PARP4: variants seen among roughly 807,000 people sequenced by gnomAD.
The protein encoded by PARP4 is protein mono-ADP-ribosyltransferase PARP4.
Under a neutral mutation model 187.7 loss-of-function variants are expected in PARP4, and 120 were observed. The observed-to-expected ratio is 0.64, with a 90% CI of 0.55 to 0.74. The LOEUF is 0.74. Among genes scored for constraint, PARP4 ranks in the 30% least tolerant of loss-of-function variants. The pLI is 0.00. For missense variants in PARP4, 1,836 were observed against 2,070.5 expected, an observed-to-expected ratio of 0.89 and a Z score of 2.20; for synonymous variants, 654 against 740.9, an observed-to-expected ratio of 0.88 and a Z score of 1.90.
chr13:24,456,158 T>A (rs1439120489), intron 21 of PARP4, among the ~76,000 whole-genome samples, 183 bp downstream of exon 21: 1 of 152,214 alleles, frequency 6.6e-6, no homozygotes, highest in Non-Finnish European at 1.5e-5. Context: ...GGGTTTTGGA[T>A]GAAACGTCAG....
chr13:24,435,604 A>G (rs1055894008), intron 30 of PARP4, 130 bp from the exon 31 acceptor site: 9 of 953,096 alleles, frequency 9.4e-6, no homozygotes, highest in South Asian at 6.7e-5. Flanking sequence ...AGGATCATCA[A>G]TGTGAGCTGG....
intron 3 of PARP4, among the ~76,000 whole-genome samples, chr13:24,500,999 T>TTG (rs1869244307): frequency 6.6e-6 from 1 of 152,234 alleles, no homozygotes; most frequent in Admixed American, 6.5e-5. Context: ...TTTATTTCTG[T>TTG]TGTAACTATC....
chr13:24,488,353 T>C (rs1310443720), intron 10 of PARP4, among the ~76,000 whole-genome samples: 3 of 152,190 alleles, frequency 2.0e-5, no homozygotes, highest in African/African-American at 7.2e-5. Context: ...GGAGAAGGCC[T>C]GTGGGAATGA....
chr13:24,456,856 C>T (rs151241351), intron 20 of PARP4, among the ~76,000 whole-genome samples: 12,310 of 151,918 alleles, frequency 0.081, 666 homozygotes, highest in Non-Finnish European at 0.12. Flanking sequence ...GCCAAGATCG[C>T]GCCACTGCAC....
In PARP4 at chr13:24,492,602, C is replaced by T; in HGVS notation, c.880-8G>A. The T allele has an allele frequency of 6.2e-7, 1 of 1,608,686 alleles. No individual in the cohort carries two copies. The highest frequency in any genetic ancestry group is 8.5e-7 in the Non-Finnish European group (1 of 1,175,424). ...CCCCTCTGCCTTGCTCACCTTTCAA[C>T]AGATCATATATGCTTATTACAATGA... On this transcript the variant is annotated splice_polypyrimidine_tract_variant and splice_region_variant and intron_variant, in intron 8 of 33. Transcript: ENST00000381989.
intron 5 of PARP4, 135 bp from the exon 6 acceptor site, chr13:24,498,364 G>A (rs1345033): frequency 0.32 from 189,090 of 594,684 alleles, 31,968 homozygotes; most frequent in South Asian, 0.44. Flanking sequence ...AAAGTATCAA[G>A]AAGAAAATTA....
intron 30 of PARP4, among the ~76,000 whole-genome samples, chr13:24,439,708 A>G (rs1870820075): frequency 6.6e-6 from 1 of 152,112 alleles, no homozygotes; most frequent in African/African-American, 2.4e-5. Flanking sequence ...ATAAGTATAT[A>G]TTTTCCAGGG....
intron 18 of PARP4, 60 bp downstream of exon 18, chr13:24,459,912 C>T (rs1365291047): frequency 6.9e-7 from 1 of 1,449,052 alleles, no homozygotes; most frequent in African/African-American, 1.4e-5. Flanking sequence ...CCTCCACAGC[C>T]CTCCACCACT....
At position 24,512,733 on chromosome 13, in the gene PARP4, A is replaced by C. The variant is rs1870089822; in HGVS notation, c.-29T>G. On this transcript the variant is annotated 5_prime_UTR_variant, in exon 1 of 34. Coordinates refer to ENST00000381989, the MANE Select transcript of PARP4 (RefSeq NM_006437.4). Reference sequence around the variant, plus strand: ...GCCTAGAGGATCCAGCTAGCTCCGGACGCTCCCCGATTCCGCGCTCCTTGC... The same window carrying C: ...GCCTAGAGGATCCAGCTAGCTCCGGCCGCTCCCCGATTCCGCGCTCCTTGC... 1 of 152,270 alleles carries C rather than the reference A, an allele frequency of 6.6e-6. No homozygotes were observed. Among genetic ancestry groups the C allele is most frequent in the African/African-American group, 2.4e-5 (1 of 41,444 alleles). The allele number at this position is 152,270 out of a possible 1,614,324, so 9.4% of individuals were successfully genotyped here.
chr13:24,424,703 A>G (rs1403136554), intron 33 of PARP4, among the ~76,000 whole-genome samples: 2 of 140,558 alleles, frequency 1.4e-5, no homozygotes, highest in African/African-American at 5.4e-5. Context: ...ACGGAGTCTC[A>G]CTCTGTCACC....
At chr13:24,498,726 A>G (rs1443471204) in intron 5 of PARP4, among the ~76,000 whole-genome samples, 1 of 151,182 alleles carries the variant, frequency 6.6e-6, no homozygotes, top group Non-Finnish European at 1.5e-5. Flanking sequence ...CACATCAGAC[A>G]CTAGTGTTGA....
intron 1 of PARP4, among the ~76,000 whole-genome samples, chr13:24,511,786 AT>A (rs1304291518): frequency 6.6e-6 from 1 of 152,232 alleles, no homozygotes; most frequent in Non-Finnish European, 1.5e-5. Context: ...TCACGTATCC[AT>A]TAAAGCCCAG....
At chr13:24,473,820 C>G (rs1593627544) in intron 15 of PARP4, among the ~76,000 whole-genome samples, 1 of 152,056 alleles carries the variant, frequency 6.6e-6, no homozygotes, top group East Asian at 1.9e-4. Flanking sequence ...TGAGACCCAC[C>G]AGCCTCCCCT....
intron 31 of PARP4, among the ~76,000 whole-genome samples, chr13:24,432,604 C>A (rs1870399995): frequency 6.6e-6 from 1 of 152,156 alleles, no homozygotes; most frequent in Non-Finnish European, 1.5e-5. Context: ...CTTCAGTATA[C>A]CACATCGGAT....
In PARP4 at chr13:24,459,044, C is replaced by A. The variant is rs1182025660; in HGVS notation, c.2424G>T (p.Lys808Asn). The A allele has an allele frequency of 1.3e-6, 2 of 1,590,806 alleles. No homozygotes were observed. Among genetic ancestry groups the A allele is most frequent in the Non-Finnish European group, 1.7e-6 (2 of 1,159,746 alleles). The change falls in exon 20 of 34, where the codon AAG (lysine) becomes AAT (asparagine). Residue 808 changes from lysine (K) to asparagine (N), a missense_variant and splice_region_variant. Coordinates refer to ENST00000381989, the MANE Select transcript of PARP4 (RefSeq NM_006437.4). Reference sequence around the variant, plus strand: ...CTTAAGAAATCAAAGATGCACTAACCTTTTGTTTCAGTTCATGTGTATCAC... The same window carrying A: ...CTTAAGAAATCAAAGATGCACTAACATTTTGTTTCAGTTCATGTGTATCAC... The part of the protein sequence containing the change: ...IFSDTHELKQ[K>N]RTDCKAVIST...
At chr13:24,490,582 T>C (rs1252716862) in intron 10 of PARP4, 86 bp downstream of exon 10, 21 of 1,005,898 alleles carry the variant, frequency 2.1e-5, no homozygotes, top group African/African-American at 1.1e-4. Flanking sequence ...GAAGATTATC[T>C]AGGTAATTAC....
intron 15 of PARP4, among the ~76,000 whole-genome samples, chr13:24,473,529 G>A (rs770965205): frequency 9.2e-5 from 14 of 151,608 alleles, no homozygotes; most frequent in South Asian, 2.1e-4. Flanking sequence ...AGAGAAGGAA[G>A]CAGTTCCAGC....
At chr13:24,447,750 G>C (rs564088704) in intron 25 of PARP4, among the ~76,000 whole-genome samples, 10 of 152,330 alleles carry the variant, frequency 6.6e-5, no homozygotes, top group African/African-American at 2.4e-4. Flanking sequence ...ATGCAGCCTT[G>C]GTATGAGTAG....
chr13:24,464,317 CA>C (rs572045350), intron 17 of PARP4, among the ~76,000 whole-genome samples: 1 of 151,872 alleles, frequency 6.6e-6, no homozygotes, highest in Non-Finnish European at 1.5e-5. Flanking sequence ...CATATGGAAC[CA>C]AAAAAGAGCC....
Sources: allele counts gnomAD v4.1 joint callset (sites outside exome capture counted in the v4.1 genomes callset), GRCh38; gene constraint gnomAD v4.1.1; transcripts MANE v1.5; gene names NCBI Gene and HGNC (gene_info 2026-07-23, HGNC 2026-07-21).